Variants in PALM2AKAP2 observed in about 807,000 individuals in gnomAD.
PALM2AKAP2 encodes PALM2 and AKAP2 fusion.
PALM2AKAP2 carries 37 observed loss-of-function variants against 71.5 expected under a neutral mutation model. The observed-to-expected ratio is 0.52, with a 90% CI of 0.40 to 0.68. The LOEUF is 0.68. Among genes scored for constraint, PALM2AKAP2 ranks in the 30% least tolerant of loss-of-function variants. PALM2AKAP2 has a pLI of 0.00. For missense variants in PALM2AKAP2, 1,224 were observed against 1,191.8 expected, an observed-to-expected ratio of 1.03 and a Z score of -0.40; for synonymous variants, 468 against 478.8, an observed-to-expected ratio of 0.98 and a Z score of 0.29.
chr9:109,958,421 C>T (rs1831787954), intron 6 of PALM2AKAP2, among the ~76,000 whole-genome samples: 1 of 152,178 alleles, frequency 6.6e-6, no homozygotes, highest in African/African-American at 2.4e-5. Context: ...AGCTTTGTCT[C>T]ATTTATGCCT....
At chr9:110,138,110 G>C (rs2119114606) in exon 2 of PALM2AKAP2, 1 of 1,614,168 alleles carries the variant, frequency 6.2e-7, no homozygotes, top group Middle Eastern at 1.6e-4. Context: ...GAGCATGTTT[G>C]AGCCACCTCA....
chr9:109,665,254 G>A (rs1014324684), intron 1 of PALM2AKAP2, among the ~76,000 whole-genome samples: 4 of 148,840 alleles, frequency 2.7e-5, no homozygotes, highest in African/African-American at 1.0e-4. Flanking sequence ...CTCCTTTGGA[G>A]GAGAAGAGGC....
At chr9:109,679,551 C>A (rs1203443852) in intron 1 of PALM2AKAP2, among the ~76,000 whole-genome samples, 3 of 152,148 alleles carry the variant, frequency 2.0e-5, no homozygotes, top group Admixed American at 2.0e-4. Flanking sequence ...AACTTCTGGG[C>A]TTCAGATGCC....
At position 110,010,619 on chromosome 9, in the gene PALM2AKAP2, A is replaced by G. The variant is rs55848012; in HGVS notation, c.497-5335A>G. ...CATTCTATTCCATATATTCTATTCT[A>G]TTTATATATTCTATAAATATATAGA... is the stretch of plus-strand genomic sequence containing the variant. On this transcript the variant is annotated intron_variant, in intron 6 of 9. Transcript: ENST00000302798. 8.1e-3 allele frequency among the ~76,000 whole-genome samples: 1,191 copies of G among 147,890 alleles called. 7 individuals are homozygous for G. Among genetic ancestry groups the G allele is most frequent in the Non-Finnish European group, 0.012 (811 of 67,138 alleles).
chr9:109,757,608 G>A (rs2149002), intron 1 of PALM2AKAP2, among the ~76,000 whole-genome samples: 98,012 of 151,848 alleles, frequency 0.65, 32,045 homozygotes, highest in East Asian at 0.79. Context: ...TTGATAGTCC[G>A]CAATATGTAC....
chr9:109,749,400 T>C (rs59188941), intron 1 of PALM2AKAP2, among the ~76,000 whole-genome samples: 20,119 of 152,018 alleles, frequency 0.13, 1,600 homozygotes, highest in East Asian at 0.36. Context: ...AGAGATCTCG[T>C]TCTTGTCTAG....
intron 1 of PALM2AKAP2, among the ~76,000 whole-genome samples, chr9:110,049,378 G>GGGCCCCGGCCCC (rs936952787): frequency 6.6e-6 from 1 of 152,120 alleles, no homozygotes; most frequent in African/African-American, 2.4e-5. Flanking sequence ...AGGGAGGGCC[G>GGGCCCCGGCCCC]GGCCCCGGCC....
intron 1 of PALM2AKAP2, among the ~76,000 whole-genome samples, chr9:109,709,967 C>T (rs750664478): frequency 1.1e-4 from 17 of 152,164 alleles, no homozygotes; most frequent in South Asian, 6.2e-4. Context: ...TCGTGGATTA[C>T]CCAGATGGGC....
At chr9:109,674,936 A>G (rs1214432715) in intron 1 of PALM2AKAP2, among the ~76,000 whole-genome samples, 1 of 152,120 alleles carries the variant, frequency 6.6e-6, no homozygotes, top group Non-Finnish European at 1.5e-5. Context: ...ATCATACTAC[A>G]AGTACACATA....
rs185858665 is a variant in PALM2AKAP2 at position 109,834,782 on chromosome 9, G to C, written c.46-32709G>C. 3.9e-3 allele frequency among the ~76,000 whole-genome samples: 594 copies of C among 152,312 alleles called. 7 individuals carry two copies. Among genetic ancestry groups the C allele is most frequent in the Non-Finnish European group, 4.0e-3 (271 of 68,034 alleles). On this transcript the variant is annotated intron_variant, in intron 1 of 9. Transcript: ENST00000302798. ...TCAGCATTTTACAGCTGCAAAAACT[G>C]AGTCTTAGCAAACATGGTCTTAGAG...
intron 1 of PALM2AKAP2, among the ~76,000 whole-genome samples, chr9:110,094,669 G>A (rs1292227899): frequency 1.1e-5 from 1 of 94,430 alleles, no homozygotes; most frequent in African/African-American, 6.7e-5. Context: ...ACCACGGGGC[G>A]GGGGGGCGGG....
intron 1 of PALM2AKAP2, among the ~76,000 whole-genome samples, chr9:110,067,798 T>A (rs1393642410): frequency 6.6e-6 from 1 of 152,256 alleles, no homozygotes; most frequent in African/African-American, 2.4e-5. Context: ...GAATTTCTGA[T>A]CAACAATTTC....
intron 5 of PALM2AKAP2, among the ~76,000 whole-genome samples, chr9:109,930,803 G>C (rs1831083217): frequency 6.6e-6 from 1 of 152,224 alleles, no homozygotes; most frequent in Non-Finnish European, 1.5e-5. Context: ...CTATTGAACA[G>C]ATTGGATACC....
At chr9:110,047,958 C>A (rs1284418422), upstream of PALM2AKAP2, among the ~76,000 whole-genome samples, 1 of 152,246 alleles carries the variant, frequency 6.6e-6, no homozygotes. Flanking sequence ...GGATCAGCTG[C>A]CTCCTTCCCC....
At chr9:109,779,803 C>T (rs1829404388), upstream of PALM2AKAP2, among the ~76,000 whole-genome samples, 2 of 152,228 alleles carry the variant, frequency 1.3e-5, no homozygotes, top group African/African-American at 2.4e-5. Context: ...GCTCAAGCGT[C>T]TGGCTTGAGC....
At chr9:110,001,424 G>A (rs993274157) in intron 6 of PALM2AKAP2, among the ~76,000 whole-genome samples, 1 of 152,160 alleles carries the variant, frequency 6.6e-6, no homozygotes, top group African/African-American at 2.4e-5. Context: ...TAACCTTGTA[G>A]TATAGTTTGA....
intron 3 of PALM2AKAP2, among the ~76,000 whole-genome samples, chr9:109,900,048 TAAAG>T (rs1830294388): frequency 6.6e-6 from 1 of 152,154 alleles, no homozygotes; most frequent in African/African-American, 2.4e-5. Context: ...CATATTTACA[TAAAG>T]AAAGAAAACA....
intron 6 of PALM2AKAP2, among the ~76,000 whole-genome samples, chr9:109,932,961 A>T (rs550809210): frequency 1.3e-5 from 2 of 152,260 alleles, no homozygotes; most frequent in African/African-American, 4.8e-5. Context: ...TGAATATTTC[A>T]TGAAGCAAAG....
chr9:110,155,433 G>A (rs1836424627), intron 2 of PALM2AKAP2, among the ~76,000 whole-genome samples: 1 of 152,200 alleles, frequency 6.6e-6, no homozygotes, highest in Non-Finnish European at 1.5e-5. Flanking sequence ...ACCCCATGAA[G>A]GGCCAGAAGC....
Sources: gnomAD v4.1 joint callset for allele counts (sites outside exome capture counted in the v4.1 genomes callset) on GRCh38, gnomAD v4.1.1 for gene constraint, MANE v1.5 for transcripts, NCBI Gene and HGNC (gene_info 2026-07-23, HGNC 2026-07-21) for gene names.